ABCC10: variants seen among roughly 807,000 people sequenced by gnomAD.
ABCC10 encodes ATP binding cassette subfamily C member 10.
In ABCC10, 110 loss-of-function variants were observed where a neutral mutation model predicts 143.2. The observed-to-expected ratio is 0.77, with a 90% CI of 0.66 to 0.90. The LOEUF (loss-of-function observed/expected upper bound fraction) is 0.90, where lower values mean the gene tolerates loss of function less well. Ranked by LOEUF, ABCC10 falls within the 40% of genes least tolerant of loss-of-function variation. ABCC10 has a pLI of 0.00. For synonymous variants in ABCC10, 805 were observed against 846.7 expected (o/e 0.95, Z 0.85); for missense variants, 1,700 against 1,900.5 (o/e 0.89, Z 1.96).
At position 43,432,443 on chromosome 6, in the gene ABCC10, T is replaced by G. The variant is rs988057803; in HGVS notation, c.463T>G (p.Cys155Gly). The G allele has an allele frequency of 5.0e-6, 8 of 1,611,754 alleles. No individual in the cohort carries two copies. Among genetic ancestry groups the G allele is most frequent in the Non-Finnish European group, 6.8e-6 (8 of 1,180,024 alleles). The change falls in exon 3 of 22, where the codon TGC becomes GGC. Residue 155 changes from cysteine (C) to glycine (G), a missense_variant. Cys to Gly is a radical substitution (Grantham distance 159). Transcript: ENST00000372530. Reference protein sequence around the residue: ...PALVLTVLWHCQRGTLLPPLL... With the variant: ...PALVLTVLWHGQRGTLLPPLL... The stretch of plus-strand genomic sequence containing the variant: ...CCTAGTGCTGACCGTGTTGTGGCAT[T>G]GCCAGCGAGGCACACTTCTGCCCCC...
chr6:43,430,273 T>G (rs1279008460), intron 2 of ABCC10, among the ~76,000 whole-genome samples: 1 of 151,946 alleles, frequency 6.6e-6, no homozygotes, highest in African/African-American at 2.4e-5. Flanking sequence ...GTATTTTTAC[T>G]AGAGATGGAG....
rs914214525 is a variant in ABCC10 at position 43,450,247 on chromosome 6, C to A, written c.*156C>A. On this transcript the variant is annotated 3_prime_UTR_variant, in exon 22 of 22. Coordinates refer to ENST00000372530, the MANE Select transcript of ABCC10 (RefSeq NM_001198934.2). This position sits in a 1 kb window ranked among gnomAD's most constrained non-coding sequence, Gnocchi z 4.5. ...GCACCCTGGATTACTCTTTGGAAAT[C>A]ACTCCTTGGTGGGCAGCATCCTGAG... 2 of 1,004,916 alleles carry A rather than the reference C, an allele frequency of 2.0e-6. No homozygotes were observed. The highest frequency in any genetic ancestry group is 2.8e-6 in the Non-Finnish European group (2 of 704,672). The allele number at this position is 1,004,916 out of a possible 1,614,324, so 62.2% of individuals were successfully genotyped here.
chr6:43,451,505 G>A (rs1249094714), downstream of ABCC10, among the ~76,000 whole-genome samples: 3 of 152,154 alleles, frequency 2.0e-5, no homozygotes, highest in African/African-American at 7.2e-5. This position sits in a 1 kb window ranked among gnomAD's most constrained non-coding sequence, Gnocchi z 4.4. Context: ...CAGAAGGCAG[G>A]GCTCAGGGTA....
At chr6:43,431,819 A>G (rs752086118) in intron 2 of ABCC10, 1 of 1,181,284 alleles carries the variant, frequency 8.5e-7, no homozygotes, top group Non-Finnish European at 1.0e-6. Context: ...GTTAGTCTTC[A>G]TGTTAAGTAC....
At chr6:43,446,714 C>T in intron 16 of ABCC10, 1 of 1,305,026 alleles carries the variant, frequency 7.7e-7, no homozygotes, top group Non-Finnish European at 9.7e-7. Context: ...CCGTCCCCAC[C>T]ACACTGCCCC....
Position 43,432,174 on chromosome 6 carries a change from G to C in ABCC10, c.194G>C (p.Gly65Ala). The C allele has an allele frequency of 6.2e-7, 1 of 1,614,208 alleles. No individual in the cohort carries two copies. The highest frequency in any genetic ancestry group is 8.5e-7 in the Non-Finnish European group (1 of 1,180,032). Reference protein sequence around the residue: ...SPDYILPCSPGWRLRLAASFL... With the variant: ...SPDYILPCSPAWRLRLAASFL... Reference sequence around the variant, plus strand: ...GATTACATCCTACCCTGCAGTCCTGGATGGCGCCTCCGACTTGCAGCTTCC... The same window carrying C: ...GATTACATCCTACCCTGCAGTCCTGCATGGCGCCTCCGACTTGCAGCTTCC... Residue 65 changes from glycine to alanine, a missense_variant, in exon 3 of 22, where the codon GGA (glycine) becomes GCA (alanine). Coordinates refer to ENST00000372530, the MANE Select transcript of ABCC10 (RefSeq NM_001198934.2).
At chr6:43,444,659 TG>T in intron 12 of ABCC10, 128 bp from the exon 13 acceptor site, 2 of 1,306,628 alleles carry the variant, frequency 1.5e-6, no homozygotes, top group Non-Finnish European at 2.1e-6. Context: ...AGTGGCAGGG[TG>T]GGGAGGCCAG....
chr6:43,435,657 A>G, intron 4 of ABCC10, 94 bp from the exon 5 acceptor site: 1 of 1,427,900 alleles, frequency 7.0e-7, no homozygotes, highest in Non-Finnish European at 9.4e-7. Flanking sequence ...GTCATTGCCC[A>G]GTTCTTCCCT....
rs776703080 is a variant in ABCC10, at chr6:43,432,271, C to A, written c.291C>A (p.Pro97=). 3 of 1,614,230 alleles carry A rather than the reference C, an allele frequency of 1.9e-6. No homozygotes were observed. Among genetic ancestry groups the A allele is most frequent in the Non-Finnish European group, 2.5e-6 (3 of 1,180,044 alleles). ...VALPPGAGPG[P]IGLEVLAGCV... The stretch of plus-strand genomic sequence containing the variant: ...TGCCACCAGGGGCAGGCCCAGGACC[C>A]ATAGGGCTAGAGGTGTTGGCAGGGT... The change falls in exon 3 of 22, where the codon CCC becomes CCA. Residue 97 remains proline (P), a synonymous_variant. Coordinates refer to ENST00000372530, the MANE Select transcript of ABCC10 (RefSeq NM_001198934.2).
intron 17 of ABCC10, 30 bp downstream of exon 17, chr6:43,447,438 G>A: frequency 6.2e-7 from 1 of 1,603,586 alleles, no homozygotes; most frequent in Non-Finnish European, 8.5e-7. Flanking sequence ...CCAGGCCAAA[G>A]CTCTGGAACC....
Position 43,432,461 on chromosome 6 carries a change from C to A in ABCC10, c.481C>A (p.Leu161Met). The change falls in exon 3 of 22, where the codon CTG becomes ATG. Residue 161 changes from leucine (L) to methionine (M), a missense_variant. Physicochemically the swap from Leu to Met is conservative, Grantham distance 15. Coordinates refer to ENST00000372530, the MANE Select transcript of ABCC10 (RefSeq NM_001198934.2). ...GTGGCATTGCCAGCGAGGCACACTT[C>A]TGCCCCCACTTCTCCCAGGGCCCAT... ...VLWHCQRGTL[L>M]PPLLPGPMAR... 3 of 1,611,820 alleles carry A rather than the reference C, an allele frequency of 1.9e-6. No individual in the cohort carries two copies. Among genetic ancestry groups the A allele is most frequent in the Non-Finnish European group, 2.5e-6 (3 of 1,180,034 alleles).
At position 43,432,457 on chromosome 6, in the gene ABCC10, A is replaced by C. The variant is rs766838422; in HGVS notation, c.477A>C (p.Thr159=). The change falls in exon 3 of 22, where the codon ACA becomes ACC. Residue 159 remains threonine (T), a synonymous_variant. Coordinates refer to ENST00000372530, the MANE Select transcript of ABCC10 (RefSeq NM_001198934.2). ...LTVLWHCQRG[T]LLPPLLPGPM... is the part of the protein sequence containing the mutation. Reference sequence around the variant, plus strand: ...TGTTGTGGCATTGCCAGCGAGGCACACTTCTGCCCCCACTTCTCCCAGGGC... The same window carrying C: ...TGTTGTGGCATTGCCAGCGAGGCACCCTTCTGCCCCCACTTCTCCCAGGGC... The C allele has an allele frequency of 3.1e-6, 5 of 1,611,634 alleles. No homozygotes were observed. The highest frequency in any genetic ancestry group is 3.4e-6 in the Non-Finnish European group (4 of 1,180,030).
rs1782969670 is a variant in ABCC10 at position 43,445,624 on chromosome 6, C to T, written c.3056C>T (p.Thr1019Ile). Residue 1019 changes from threonine to isoleucine, a missense_variant, in exon 15 of 22, where the codon ACA becomes ATA. Transcript: ENST00000372530. ...LMAPVTFFNA[T>I]PTGRILNRFS... The stretch of plus-strand genomic sequence containing the variant: ...GCACCAGTGACTTTCTTCAATGCCA[C>T]ACCCACGGGCCGGATCCTAAACCGC... 6 of 1,612,680 alleles carry T rather than the reference C, an allele frequency of 3.7e-6. No homozygotes were observed. The highest frequency in any genetic ancestry group is 2.2e-5 in the East Asian group (1 of 44,844).
chr6:43,450,268 C>T lies in ABCC10; in HGVS notation c.*177C>T. Reference sequence around the variant, plus strand: ...AAATCACTCCTTGGTGGGCAGCATCCTGAGGCTTCCCCAGAACCAGGCCTC... The same window carrying T: ...AAATCACTCCTTGGTGGGCAGCATCTTGAGGCTTCCCCAGAACCAGGCCTC... On this transcript the variant is annotated 3_prime_UTR_variant, in exon 22 of 22. Coordinates refer to ENST00000372530, the MANE Select transcript of ABCC10 (RefSeq NM_001198934.2). This position sits in a 1 kb window ranked among gnomAD's most constrained non-coding sequence, Gnocchi z 4.5. The T allele has an allele frequency of 1.1e-6, 1 of 914,260 alleles. No individual in the cohort carries two copies. Among genetic ancestry groups the T allele is most frequent in the Non-Finnish European group, 1.6e-6 (1 of 629,962 alleles). The allele number at this position is 914,260 out of a possible 1,614,324, so 56.6% of individuals were successfully genotyped here.
rs749215080 is a variant in ABCC10, at chr6:43,445,650, T to C, written c.3082T>C (p.Phe1028Leu). The change falls in exon 15 of 22, where the codon TTC becomes CTC. Residue 1028 changes from phenylalanine (F) to leucine (L), a missense_variant. Phe to Leu is a conservative substitution (Grantham distance 22, BLOSUM62 0). Coordinates refer to ENST00000372530, the MANE Select transcript of ABCC10 (RefSeq NM_001198934.2). ...ATPTGRILNR[F>L]SSDVACADDS... ...ACCCACGGGCCGGATCCTAAACCGC[T>C]TCTCCTCTGATGTGGCCTGTGCGGA... 8.1e-6 allele frequency: 13 copies of C among 1,614,076 alleles called. No homozygotes were observed. Among genetic ancestry groups the C allele is most frequent in the Non-Finnish European group, 1.7e-6 (2 of 1,179,968 alleles).
downstream of ABCC10, chr6:43,451,166 C>G (rs1224126022): frequency 6.2e-7 from 1 of 1,614,090 alleles, no homozygotes; most frequent in Non-Finnish European, 8.5e-7. The surrounding 1 kb of genome is among the most constrained non-coding windows in gnomAD (Gnocchi z 4.4). Context: ...GGCAGTCATC[C>G]ACATTTACCT....
At chr6:43,435,016 A>G (rs1431090813) in intron 4 of ABCC10, 168 bp downstream of exon 4, 1 of 648,760 alleles carries the variant, frequency 1.5e-6, no homozygotes, top group African/African-American at 1.8e-5. Flanking sequence ...TTGGATATAT[A>G]ACCCTCCCCT....
At position 43,432,991 on chromosome 6, in the gene ABCC10, T is replaced by C. The variant is rs749268989; in HGVS notation, c.1011T>C (p.Gly337=). The C allele has an allele frequency of 6.2e-6, 10 of 1,614,074 alleles. No homozygotes were observed. The East Asian group carries it at 2.2e-4, about 36-fold the overall frequency. ...GGCTAGCCGGTGGGGCTGTGCTGGGTGCTGTGCTGCAGAATCAGTATGGGT... is the reference window on the plus strand; with the variant it reads ...GGCTAGCCGGTGGGGCTGTGCTGGGCGCTGTGCTGCAGAATCAGTATGGGT... ...ALGLAGGAVL[G]AVLQNQYGYE... Residue 337 remains glycine, a synonymous_variant, in exon 3 of 22, where the codon GGT becomes GGC. Coordinates refer to ENST00000372530, the MANE Select transcript of ABCC10 (RefSeq NM_001198934.2).
rs977477421 is a variant in ABCC10 at position 43,445,677 on chromosome 6, G to A, written c.3109G>A (p.Asp1037Asn). The change falls in exon 15 of 22, where the codon GAC (aspartate) becomes AAC (asparagine). Residue 1037 changes from aspartate to asparagine, a missense_variant. Asp to Asn is a conservative substitution (Grantham distance 23, BLOSUM62 1). Coordinates refer to ENST00000372530, the MANE Select transcript of ABCC10 (RefSeq NM_001198934.2). ...RFSSDVACAD[D>N]SLPFILNILL... The stretch of plus-strand genomic sequence containing the variant: ...CTCCTCTGATGTGGCCTGTGCGGAT[G>A]ACAGCCTGCCCTTCATCCTCAACAT... 6.2e-7 allele frequency: 1 copy of A among 1,614,186 alleles called. No homozygotes were observed. Among genetic ancestry groups the A allele is most frequent in the Non-Finnish European group, 8.5e-7 (1 of 1,180,032 alleles).
Sources: allele counts gnomAD v4.1 joint callset (sites outside exome capture counted in the v4.1 genomes callset), GRCh38; gene constraint gnomAD v4.1.1; non-coding constraint Gnocchi (gnomAD v3.1); transcripts MANE v1.5; gene names NCBI Gene and HGNC (gene_info 2026-07-23, HGNC 2026-07-21).